EPB41L4A: variants seen among roughly 807,000 people sequenced by gnomAD.
The protein encoded by EPB41L4A is erythrocyte membrane protein band 4.1 like 4A, also known as band 4.1-like protein 4A.
Under a neutral mutation model 108.6 loss-of-function variants are expected in EPB41L4A, and 100 were observed. The observed-to-expected ratio is 0.92, with a 90% confidence interval of 0.78 to 1.09. EPB41L4A has a LOEUF of 1.09. Ranked by LOEUF, EPB41L4A falls within the 50% of genes least tolerant of loss-of-function variation. The pLI is 0.00. For synonymous variants in EPB41L4A, 319 were observed against 289.0 expected (o/e 1.10, Z -1.05); for missense variants, 1,030 against 842.7 (o/e 1.22, Z -2.75).
In EPB41L4A at chr5:112,163,793, TA is replaced by T; in HGVS notation, c.*1196del. 6.6e-6 allele frequency: 1 copy of T among 152,218 alleles called. No individual in the cohort carries two copies. The highest frequency in any genetic ancestry group is 1.9e-4 in the East Asian group (1 of 5,166). The allele number at this position is 152,218 out of a possible 1,614,324, so 9.4% of individuals were successfully genotyped here. ...AGATAGTTTTGTTTAATCTTAGTCT[TA>T]AATTTAAAACCAAGTAGCAAGGATC... On this transcript the variant is annotated 3_prime_UTR_variant, in exon 23 of 23. Transcript: ENST00000261486.
At chr5:112,274,526 A>G (rs553519648) in intron 4 of EPB41L4A, among the ~76,000 whole-genome samples, 4 of 152,336 alleles carry the variant, frequency 2.6e-5, no homozygotes, top group South Asian at 2.1e-4. Flanking sequence ...TGGAATAGAA[A>G]CAAAACCACA....
chr5:112,311,645 G>T (rs1755058638), intron 1 of EPB41L4A, among the ~76,000 whole-genome samples: 1 of 152,010 alleles, frequency 6.6e-6, no homozygotes, highest in Admixed American at 6.5e-5. Flanking sequence ...ATCATTTCTG[G>T]TCCACTGAGA....
chr5:112,313,662 G>A (rs1192468178), intron 1 of EPB41L4A, among the ~76,000 whole-genome samples: 1 of 152,026 alleles, frequency 6.6e-6, no homozygotes, highest in Non-Finnish European at 1.5e-5. Context: ...TTCTTGAAAA[G>A]AAAAGGCAAC....
At chr5:112,212,528 C>T (rs934730021) in intron 12 of EPB41L4A, among the ~76,000 whole-genome samples, 2 of 152,136 alleles carry the variant, frequency 1.3e-5, no homozygotes, top group Non-Finnish European at 2.9e-5. Flanking sequence ...CTCCTGACCT[C>T]AAGTGATCCA....
chr5:112,196,667 C>G (rs1761980436), intron 15 of EPB41L4A: 1 of 136,166 alleles, frequency 7.3e-6, no homozygotes, highest in African/African-American at 3.3e-5. Context: ...TGGCAAAATC[C>G]CAGGCATGGG....
intron 22 of EPB41L4A, among the ~76,000 whole-genome samples, chr5:112,167,387 G>A (rs1760314640): frequency 1.3e-5 from 2 of 152,122 alleles, no homozygotes; most frequent in Admixed American, 6.5e-5. Flanking sequence ...GCTCTCCCAG[G>A]CTGATCTCAT....
intron 1 of EPB41L4A, among the ~76,000 whole-genome samples, chr5:112,385,105 C>G (rs539901614): frequency 3.9e-5 from 6 of 152,276 alleles, no homozygotes; most frequent in African/African-American, 1.4e-4. Context: ...CTCCTGCCAC[C>G]AGAGCCTGCT....
chr5:112,393,212 C>T (rs2112686925), intron 1 of EPB41L4A, among the ~76,000 whole-genome samples: 1 of 152,134 alleles, frequency 6.6e-6, no homozygotes, highest in African/African-American at 2.4e-5. Flanking sequence ...CATTCAAAAG[C>T]TAGCAGAAAG....
At chr5:112,199,165 TC>T (rs1187545918) in intron 15 of EPB41L4A, among the ~76,000 whole-genome samples, 1 of 152,208 alleles carries the variant, frequency 6.6e-6, no homozygotes, top group Non-Finnish European at 1.5e-5. Context: ...CTAGTCCATT[TC>T]CTGCAGTGAG....
chr5:112,259,891 C>T lies in EPB41L4A; in HGVS notation c.731G>A (p.Trp244Ter). Residue 244 changes from tryptophan to a stop codon, truncating the protein, a stop_gained and splice_region_variant, in exon 8 of 23, where the codon TGG (tryptophan) becomes TAG (stop). Transcript: ENST00000261486. LOFTEE classifies it high-confidence loss of function. ...KNKKQVGKYF[W>*]PRITKVHFKE... ...AACTCTGTTCTCAAGCCATACCTAC[C>T]AGAAATACTTCCCCACTTGCTTTTT... 2 of 1,612,610 alleles carry T rather than the reference C, an allele frequency of 1.2e-6. No individual in the cohort carries two copies. The highest frequency in any genetic ancestry group is 2.2e-5 in the East Asian group (1 of 44,866).
chr5:112,345,444 C>A (rs1195098304), intron 1 of EPB41L4A, among the ~76,000 whole-genome samples: 1 of 151,610 alleles, frequency 6.6e-6, no homozygotes, highest in Non-Finnish European at 1.5e-5. Context: ...TTAAAGTAGG[C>A]TGCAGTATTC....
chr5:112,228,055 G>A (rs1748596850), intron 12 of EPB41L4A, among the ~76,000 whole-genome samples: 1 of 152,162 alleles, frequency 6.6e-6, no homozygotes, highest in South Asian at 2.1e-4. Flanking sequence ...GGATGCTGCA[G>A]AAACATAGTG....
At chr5:112,384,808 A>G (rs1429148180) in intron 1 of EPB41L4A, among the ~76,000 whole-genome samples, 13 of 149,014 alleles carry the variant, frequency 8.7e-5, no homozygotes, top group African/African-American at 3.1e-4. Flanking sequence ...AAGGAAGTTA[A>G]AAGAAAAGAA....
intron 15 of EPB41L4A, among the ~76,000 whole-genome samples, chr5:112,200,657 A>T (rs1762175228): frequency 6.6e-6 from 1 of 152,260 alleles, no homozygotes; most frequent in Admixed American, 6.5e-5. Flanking sequence ...TTGTACTACC[A>T]GGAAATATGC....
intron 3 of EPB41L4A, among the ~76,000 whole-genome samples, chr5:112,275,952 T>C (rs1752605785): frequency 6.6e-6 from 1 of 152,128 alleles, no homozygotes; most frequent in African/African-American, 2.4e-5. Flanking sequence ...AGCACAGAAA[T>C]ATCATACCTT....
intron 1 of EPB41L4A, among the ~76,000 whole-genome samples, chr5:112,313,824 A>G (rs984657428): frequency 6.7e-5 from 10 of 148,444 alleles, no homozygotes; most frequent in African/African-American, 2.3e-4. Flanking sequence ...TAAACAATTC[A>G]TACTCCCCAA....
intron 1 of EPB41L4A, among the ~76,000 whole-genome samples, chr5:112,390,269 G>A (rs1760847439): frequency 6.6e-6 from 1 of 152,194 alleles, no homozygotes; most frequent in Non-Finnish European, 1.5e-5. Context: ...AGCACAAGGG[G>A]TCAGGGGATT....
intron 17 of EPB41L4A, among the ~76,000 whole-genome samples, chr5:112,184,685 A>G (rs564623292): frequency 6.6e-6 from 1 of 152,320 alleles, no homozygotes; most frequent in African/African-American, 2.4e-5. Context: ...CACCATTCCC[A>G]TCATGGCTGC....
intron 1 of EPB41L4A, among the ~76,000 whole-genome samples, chr5:112,390,723 G>A (rs534516581): frequency 4.6e-5 from 7 of 152,278 alleles, no homozygotes; most frequent in African/African-American, 1.7e-4. Flanking sequence ...TTTGAGCTCT[G>A]AGAACGGACA....
Sources: allele counts gnomAD v4.1 joint callset (sites outside exome capture counted in the v4.1 genomes callset), GRCh38; gene constraint gnomAD v4.1.1; transcripts MANE v1.5; gene names NCBI Gene and HGNC (gene_info 2026-07-23, HGNC 2026-07-21).